The following PRKCE variants were observed in gnomAD, a reference collection of about 807,000 sequenced individuals.
The protein encoded by PRKCE is protein kinase C epsilon type.
Under a neutral mutation model 85.4 loss-of-function variants are expected in PRKCE, and 16 were observed. The observed-to-expected ratio is 0.19, with a 90% CI of 0.13 to 0.28. The LOEUF (loss-of-function observed/expected upper bound fraction) is 0.28, where lower values mean the gene tolerates loss of function less well. Ranked by LOEUF, PRKCE falls within the 10% of genes least tolerant of loss-of-function variation. PRKCE has a pLI of 1.00. For synonymous variants in PRKCE, 388 were observed against 371.5 expected (o/e 1.04, Z -0.51); for missense variants, 573 against 975.2 (o/e 0.59, Z 5.49).
chr2:45,730,517 T>G (rs551937241), intron 1 of PRKCE, among the ~76,000 whole-genome samples: 29 of 150,680 alleles, frequency 1.9e-4, no homozygotes, highest in African/African-American at 6.1e-4. Context: ...TCGAGTACAG[T>G]GGCACAATCT....
chr2:46,095,504 A>G (rs1670598076), intron 11 of PRKCE, among the ~76,000 whole-genome samples: 1 of 152,214 alleles, frequency 6.6e-6, no homozygotes, highest in African/African-American at 2.4e-5. Flanking sequence ...TGGATTTATA[A>G]CTAGTTTTCA....
At chr2:45,984,300 C>T (rs1379454358) in intron 5 of PRKCE, among the ~76,000 whole-genome samples, 1 of 152,108 alleles carries the variant, frequency 6.6e-6, no homozygotes, top group African/African-American at 2.4e-5. Flanking sequence ...TGGAGAGGAC[C>T]ATGTTGGGGA....
At chr2:45,754,328 G>C (rs780284268) in intron 1 of PRKCE, among the ~76,000 whole-genome samples, 7 of 152,230 alleles carry the variant, frequency 4.6e-5, no homozygotes, top group Non-Finnish European at 8.8e-5. Context: ...GCTTTCATGT[G>C]TGAATATGTA....
chr2:46,147,921 G>A (rs1048391800), intron 12 of PRKCE, among the ~76,000 whole-genome samples: 10 of 152,174 alleles, frequency 6.6e-5, no homozygotes, highest in South Asian at 2.1e-4. Context: ...CTTTCACATG[G>A]GAGCCATAAC....
At chr2:45,708,676 A>C (rs1478413257) in intron 1 of PRKCE, among the ~76,000 whole-genome samples, 2 of 152,234 alleles carry the variant, frequency 1.3e-5, no homozygotes, top group African/African-American at 2.4e-5. Flanking sequence ...AGTAGTGTGA[A>C]AACGGACTAA....
At chr2:46,015,822 G>A (rs1313742883) in intron 10 of PRKCE, among the ~76,000 whole-genome samples, 5 of 151,840 alleles carry the variant, frequency 3.3e-5, no homozygotes, top group Admixed American at 1.3e-4. Flanking sequence ...TTTCCTGCTA[G>A]ACCATACTGT....
intron 1 of PRKCE, among the ~76,000 whole-genome samples, chr2:45,803,884 A>T (rs1250871678): frequency 6.6e-6 from 1 of 152,222 alleles, no homozygotes; most frequent in African/African-American, 2.4e-5. Flanking sequence ...AGTCTGTCTA[A>T]AGTTGCAGAG....
chr2:45,819,331 C>T (rs771705452), intron 1 of PRKCE, among the ~76,000 whole-genome samples: 9 of 152,212 alleles, frequency 5.9e-5, no homozygotes, highest in Non-Finnish European at 7.3e-5. Context: ...CTCCCAATCC[C>T]ATGTGGTACC....
At chr2:45,681,646 A>G (rs1487606740) in intron 1 of PRKCE, among the ~76,000 whole-genome samples, 1 of 152,086 alleles carries the variant, frequency 6.6e-6, no homozygotes, top group African/African-American at 2.4e-5. Flanking sequence ...GATTATCTCT[A>G]CCTGGGCCTG....
Position 45,651,888 on chromosome 2 carries a change from C to G in PRKCE, c.-213C>G, listed in dbSNP as rs1050155909. Reference sequence around the variant, plus strand: ...CGGACATCCCCCAGCTCTCCCCCCTCCCTGTTTTCCGTTAGGAACCCGGCG... The same window carrying G: ...CGGACATCCCCCAGCTCTCCCCCCTGCCTGTTTTCCGTTAGGAACCCGGCG... On this transcript the variant is annotated 5_prime_UTR_variant, in exon 1 of 15. Coordinates refer to ENST00000306156, the MANE Select transcript of PRKCE (RefSeq NM_005400.3). 6.1e-6 allele frequency: 3 copies of G among 495,154 alleles called. No homozygotes were observed. The highest frequency in any genetic ancestry group is 7.1e-6 in the Non-Finnish European group (2 of 281,052). 30.7% of individuals were successfully genotyped at this position (495,154 alleles called of 1,614,324 possible).
chr2:45,676,658 A>G (rs1220401377), intron 1 of PRKCE: 4 of 152,280 alleles, frequency 2.6e-5, no homozygotes, highest in African/African-American at 9.6e-5. Context: ...AGGTTGTGAT[A>G]ATGAAGAGAG....
chr2:46,084,637 G>A (rs775683093), intron 10 of PRKCE, among the ~76,000 whole-genome samples: 15 of 149,386 alleles, frequency 1.0e-4, no homozygotes, highest in East Asian at 7.9e-4. Flanking sequence ...CAGGAGAATC[G>A]CTTGAACCAG....
At chr2:45,777,218 G>A (rs970218377) in intron 1 of PRKCE, among the ~76,000 whole-genome samples, 1 of 152,142 alleles carries the variant, frequency 6.6e-6, no homozygotes, top group Admixed American at 6.5e-5. Flanking sequence ...TGGGACTGGG[G>A]GTTGTCAGGG....
intron 10 of PRKCE, among the ~76,000 whole-genome samples, chr2:46,014,875 C>T (rs1328958050): frequency 6.6e-6 from 1 of 152,192 alleles, no homozygotes; most frequent in Non-Finnish European, 1.5e-5. Context: ...GAAATTATTT[C>T]CAAATCTCAT....
At chr2:46,115,901 T>C (rs1416463763) in intron 11 of PRKCE, among the ~76,000 whole-genome samples, 1 of 152,208 alleles carries the variant, frequency 6.6e-6, no homozygotes, top group Non-Finnish European at 1.5e-5. Context: ...ATTTTCTTTT[T>C]GATATAAGAC....
chr2:45,749,386 C>T (rs1355277125), intron 1 of PRKCE, among the ~76,000 whole-genome samples: 1 of 152,160 alleles, frequency 6.6e-6, no homozygotes, highest in African/African-American at 2.4e-5. Flanking sequence ...GCTCCTGGGC[C>T]TCAGTTTACT....
intron 11 of PRKCE, among the ~76,000 whole-genome samples, chr2:46,133,341 T>C (rs1275345390): frequency 6.6e-6 from 1 of 152,200 alleles, no homozygotes; most frequent in Admixed American, 6.5e-5. Flanking sequence ...AAGGCAGTGA[T>C]GATGTCCTGT....
chr2:46,033,223 C>T (rs1025527394), intron 10 of PRKCE, among the ~76,000 whole-genome samples: 2 of 152,220 alleles, frequency 1.3e-5, no homozygotes, highest in Non-Finnish European at 2.9e-5. Flanking sequence ...ATGGTGATGA[C>T]AGCACGTCAA....
chr2:45,667,111 G>C (rs1383963118), intron 1 of PRKCE, among the ~76,000 whole-genome samples: 1 of 152,138 alleles, frequency 6.6e-6, no homozygotes, highest in African/African-American at 2.4e-5. Flanking sequence ...AGGAGTTCGA[G>C]ACCAGCCTGG....
Sources: allele counts gnomAD v4.1 joint callset (sites outside exome capture counted in the v4.1 genomes callset), GRCh38; gene constraint gnomAD v4.1.1; transcripts MANE v1.5; gene names NCBI Gene and HGNC (gene_info 2026-07-23, HGNC 2026-07-21).